RPS6KC1: variants seen among roughly 807,000 people sequenced by gnomAD.
RPS6KC1 encodes ribosomal protein S6 kinase C1, also known as inactive ribosomal protein S6 kinase delta-1.
RPS6KC1 carries 54 observed loss-of-function variants against 103.8 expected under a neutral mutation model. The observed-to-expected ratio is 0.52, with a 90% CI of 0.42 to 0.65. The LOEUF (loss-of-function observed/expected upper bound fraction) is 0.65, where lower values mean the gene tolerates loss of function less well. Ranked by LOEUF, RPS6KC1 falls within the 30% of genes least tolerant of loss-of-function variation. The pLI, the probability that RPS6KC1 is intolerant of heterozygous loss-of-function variation, is 0.00. For missense variants in RPS6KC1, 1,151 were observed against 1,253.8 expected, an observed-to-expected ratio of 0.92 and a Z score of 1.24; for synonymous variants, 439 against 438.7, an observed-to-expected ratio of 1.00 and a Z score of -0.01.
intron 12 of RPS6KC1, among the ~76,000 whole-genome samples, chr1:213,251,345 A>G (rs1291864367): frequency 6.6e-6 from 1 of 152,178 alleles, no homozygotes; most frequent in Non-Finnish European, 1.5e-5. Flanking sequence ...ACCTCAGGTC[A>G]TCCACCTGCC....
At chr1:213,170,387 A>C (rs1208317095) in intron 7 of RPS6KC1, among the ~76,000 whole-genome samples, 1 of 152,256 alleles carries the variant, frequency 6.6e-6, no homozygotes, top group Non-Finnish European at 1.5e-5. Context: ...ACATTTGATT[A>C]TACAGTAATT....
chr1:213,583,076 C>T, the RPS6KC1 span, among the ~76,000 whole-genome samples: 14 of 152,284 alleles, frequency 9.2e-5, no homozygotes, highest in Admixed American at 5.9e-4. Flanking sequence ...TGGTCCTTGC[C>T]GTTGCGTGCA....
chr1:213,363,642 CTTTCTTTCTT>C, the RPS6KC1 span, among the ~76,000 whole-genome samples: 1 of 56,786 alleles, frequency 1.8e-5, no homozygotes, highest in Non-Finnish European at 3.2e-5. Context: ...TTCTTTCTTT[CTTTCTTTCTT>C]TCTTTCTTTC....
the RPS6KC1 span, among the ~76,000 whole-genome samples, chr1:213,407,040 T>A: frequency 1.3e-5 from 2 of 151,944 alleles, no homozygotes; most frequent in Admixed American, 1.3e-4. Flanking sequence ...CTGGCCCAGG[T>A]GTGGGAGAAA....
the RPS6KC1 span, among the ~76,000 whole-genome samples, chr1:213,804,478 T>A: frequency 1.3e-5 from 2 of 152,152 alleles, no homozygotes; most frequent in Non-Finnish European, 2.9e-5. Flanking sequence ...CTCCCCACAT[T>A]TCTGTGTGGT....
the RPS6KC1 span, among the ~76,000 whole-genome samples, chr1:213,428,481 C>CTTCCTTCCTTCCTTCCTT: frequency 1.0e-4 from 4 of 38,826 alleles, no homozygotes; most frequent in African/African-American, 5.1e-4. Flanking sequence ...TCCCTCCCTC[C>CTTCCTTCCTTCCTTCCTT]CTTCCTTCCT....
At chr1:213,747,075 A>T in the RPS6KC1 span, among the ~76,000 whole-genome samples, 30 of 152,108 alleles carry the variant, frequency 2.0e-4, no homozygotes, top group Non-Finnish European at 3.4e-4. Flanking sequence ...GTGAGTAAGG[A>T]TGGAGAAGGG....
the RPS6KC1 span, among the ~76,000 whole-genome samples, chr1:213,859,976 C>CA: frequency 0.11 from 15,206 of 143,634 alleles, 2,271 homozygotes; most frequent in African/African-American, 0.34. Flanking sequence ...ACAGTCTAAA[C>CA]AAAAAAAAAA....
the RPS6KC1 span, among the ~76,000 whole-genome samples, chr1:213,326,572 C>T: frequency 1.3e-5 from 2 of 152,170 alleles, no homozygotes; most frequent in Non-Finnish European, 2.9e-5. Flanking sequence ...CCTATTACCC[C>T]CCCAAACAAT....
the RPS6KC1 span, among the ~76,000 whole-genome samples, chr1:213,407,210 G>GCA: frequency 2.1e-5 from 1 of 46,784 alleles, no homozygotes; most frequent in African/African-American, 1.3e-4. Flanking sequence ...AATATTACAT[G>GCA]CACGCGCGCA....
At chr1:213,232,713 T>A (rs1291735934) in intron 10 of RPS6KC1, among the ~76,000 whole-genome samples, 1 of 152,216 alleles carries the variant, frequency 6.6e-6, no homozygotes, top group Non-Finnish European at 1.5e-5. Flanking sequence ...GTCATTCTGA[T>A]CTGAGTTTTT....
At chr1:213,538,097 A>C in the RPS6KC1 span, among the ~76,000 whole-genome samples, 1 of 152,128 alleles carries the variant, frequency 6.6e-6, no homozygotes, top group East Asian at 1.9e-4. Flanking sequence ...TCTGACCATT[A>C]AGAGGATAGG....
At chr1:213,846,235 G>A in the RPS6KC1 span, among the ~76,000 whole-genome samples, 1 of 151,442 alleles carries the variant, frequency 6.6e-6, no homozygotes, top group Non-Finnish European at 1.5e-5. Flanking sequence ...GGGAGGCGGA[G>A]GTCGCAGTGA....
intron 6 of RPS6KC1, among the ~76,000 whole-genome samples, chr1:213,151,933 C>G (rs1327159280): frequency 9.0e-5 from 11 of 122,456 alleles, no homozygotes; most frequent in African/African-American, 1.3e-4. Context: ...GGGGGCTGAC[C>G]CCCCCACCTC....
At chr1:213,553,177 GTAGGCCCTAATGTC>G in the RPS6KC1 span, among the ~76,000 whole-genome samples, 12 of 152,074 alleles carry the variant, frequency 7.9e-5, no homozygotes, top group Non-Finnish European at 1.5e-4. Flanking sequence ...CTCCCCTTAA[GTAGGCCCTAATGTC>G]TATTGCTCCC....
At chr1:213,693,477 CACCCAA>C in the RPS6KC1 span, among the ~76,000 whole-genome samples, 1 of 152,218 alleles carries the variant, frequency 6.6e-6, no homozygotes, top group Admixed American at 6.5e-5. Flanking sequence ...TAGCACCCAA[CACCCAA>C]CATTCAGTGA....
At chr1:213,583,496 A>G in the RPS6KC1 span, among the ~76,000 whole-genome samples, 1 of 152,160 alleles carries the variant, frequency 6.6e-6, no homozygotes, top group African/African-American at 2.4e-5. Context: ...ATCTGAGTGT[A>G]TGTAAGAATA....
chr1:213,256,835 T>G (rs926270424), intron 12 of RPS6KC1, among the ~76,000 whole-genome samples: 13 of 152,178 alleles, frequency 8.5e-5, no homozygotes, highest in African/African-American at 2.7e-4. Flanking sequence ...GTTGAGCAAG[T>G]TCACAGAAAC....
At chr1:213,331,636 G>A in the RPS6KC1 span, among the ~76,000 whole-genome samples, 1 of 152,216 alleles carries the variant, frequency 6.6e-6, no homozygotes, top group Non-Finnish European at 1.5e-5. Context: ...CAGATGTTTG[G>A]GGGCTGGTAG....
Sources: gnomAD v4.1 joint callset for allele counts (sites outside exome capture counted in the v4.1 genomes callset) on GRCh38, gnomAD v4.1.1 for gene constraint, MANE v1.5 for transcripts, NCBI Gene and HGNC (gene_info 2026-07-23, HGNC 2026-07-21) for gene names.